The following ERC2 variants were observed in gnomAD, a reference collection of about 807,000 sequenced individuals.
The protein encoded by ERC2 is ELKS/RAB6-interacting/CAST family member 2.
A neutral mutation model predicts 114.8 loss-of-function variants in ERC2; 42 were observed. The ratio of observed to expected loss-of-function variants is 0.37; its 90% CI spans 0.29 to 0.47. The LOEUF is 0.47. ERC2 is among the 20% of genes least tolerant of loss of function. The probability of loss-of-function intolerance (pLI) is 0.99; values close to 1 mark genes in which losing one functional copy is unlikely to be tolerated. For synonymous variants in ERC2, 454 were observed against 425.5 expected, an observed-to-expected ratio of 1.07 and a Z score of -0.82; for missense variants, 939 against 1,150.7, an observed-to-expected ratio of 0.82 and a Z score of 2.66.
At chr3:55,998,651 A>T (rs2071790049) in intron 10 of ERC2, among the ~76,000 whole-genome samples, 1 of 152,198 alleles carries the variant, frequency 6.6e-6, no homozygotes, top group Non-Finnish European at 1.5e-5. Context: ...ATAAAAAGAA[A>T]CTGCTATATC....
intron 3 of ERC2, among the ~76,000 whole-genome samples, chr3:56,275,949 C>T (rs1425174854): frequency 6.6e-6 from 1 of 152,192 alleles, no homozygotes; most frequent in African/African-American, 2.4e-5. Flanking sequence ...AGAATGTCAA[C>T]AGTGCTGGCG....
chr3:56,130,166 A>G (rs1194916340), intron 6 of ERC2, among the ~76,000 whole-genome samples: 4 of 152,214 alleles, frequency 2.6e-5, no homozygotes, highest in South Asian at 2.1e-4. Context: ...GTTTTACTCT[A>G]TAAATTCTGT....
At chr3:55,750,207 A>ATCTTT (rs2066599995) in intron 14 of ERC2, among the ~76,000 whole-genome samples, 1 of 152,190 alleles carries the variant, frequency 6.6e-6, no homozygotes, top group African/African-American at 2.4e-5. Context: ...AAGATAAATA[A>ATCTTT]TAGTTTATTA....
intron 3 of ERC2, among the ~76,000 whole-genome samples, chr3:56,224,737 T>C (rs1348860828): frequency 1.3e-5 from 2 of 152,162 alleles, no homozygotes; most frequent in Non-Finnish European, 2.9e-5. Context: ...GTATTCTACA[T>C]ACAGACAACT....
chr3:55,957,215 T>C (rs1408218717), intron 12 of ERC2, among the ~76,000 whole-genome samples: 1 of 152,126 alleles, frequency 6.6e-6, no homozygotes, highest in Non-Finnish European at 1.5e-5. Flanking sequence ...AGGAAGATGT[T>C]CCTATTCCTT....
chr3:56,200,075 G>C (rs1288988500), intron 3 of ERC2, among the ~76,000 whole-genome samples: 1 of 117,882 alleles, frequency 8.5e-6, no homozygotes, highest in Non-Finnish European at 1.9e-5. Flanking sequence ...TGAATGGATT[G>C]AATACCTATC....
intron 14 of ERC2, among the ~76,000 whole-genome samples, chr3:55,875,690 T>TCA (rs71621803): frequency 0.13 from 19,325 of 144,388 alleles, 1,263 homozygotes; most frequent in Non-Finnish European, 0.15. Flanking sequence ...CTAAACTCAT[T>TCA]CACACACACA....
At chr3:56,440,894 G>C (rs1472756271) in intron 1 of ERC2, among the ~76,000 whole-genome samples, 1 of 152,074 alleles carries the variant, frequency 6.6e-6, no homozygotes, top group Non-Finnish European at 1.5e-5. Flanking sequence ...CAGATACTAT[G>C]AGCCTCCAAA....
At chr3:55,814,183 T>C (rs1275606112) in intron 14 of ERC2, among the ~76,000 whole-genome samples, 1 of 152,240 alleles carries the variant, frequency 6.6e-6, no homozygotes, top group African/African-American at 2.4e-5. Context: ...AACCTGATTA[T>C]TCAAGGGTCC....
Position 56,223,409 on chromosome 3 carries a change from C to T in ERC2, c.1075-49889G>A, listed in dbSNP as rs187423383. ...TATTTTCCCCAAAACCAAGATGGCA[C>T]ATAAATTGAAGGCAACATACGCAAG... On this transcript the variant is annotated intron_variant, in intron 3 of 17. Coordinates refer to ENST00000288221, the MANE Select transcript of ERC2 (RefSeq NM_015576.3). 1.2e-4 allele frequency among the ~76,000 whole-genome samples: 18 copies of T among 148,038 alleles called. No homozygotes were observed. In the South Asian group the frequency reaches 3.9e-3, roughly 32 times the overall value.
At chr3:56,384,605 AT>A (rs2059868366) in intron 2 of ERC2, among the ~76,000 whole-genome samples, 1 of 152,124 alleles carries the variant, frequency 6.6e-6, no homozygotes, top group Non-Finnish European at 1.5e-5. Context: ...CTAGATATTA[AT>A]CCCTTAACAG....
At chr3:55,564,874 G>T (rs2056265074) in intron 17 of ERC2, among the ~76,000 whole-genome samples, 2 of 152,228 alleles carry the variant, frequency 1.3e-5, no homozygotes, top group African/African-American at 4.8e-5. Context: ...TCCATAAAGG[G>T]TCAGACAGTA....
chr3:55,617,125 C>T (rs138835437), intron 17 of ERC2, among the ~76,000 whole-genome samples: 10 of 152,298 alleles, frequency 6.6e-5, no homozygotes, highest in African/African-American at 1.7e-4. Context: ...TCTGAGAACT[C>T]AGAGGGACCA....
At chr3:56,299,577 G>A (rs2055723903) in intron 2 of ERC2, among the ~76,000 whole-genome samples, 1 of 151,870 alleles carries the variant, frequency 6.6e-6, no homozygotes, top group African/African-American at 2.4e-5. Context: ...CTATAGGTGT[G>A]CGCCACCACA....
intron 7 of ERC2, among the ~76,000 whole-genome samples, chr3:56,063,091 C>T (rs911587036): frequency 6.6e-6 from 1 of 152,160 alleles, no homozygotes; most frequent in African/African-American, 2.4e-5. Flanking sequence ...ATGCATTATG[C>T]TAAGTCAAAG....
chr3:56,263,026 T>C (rs2053046139), intron 3 of ERC2, among the ~76,000 whole-genome samples: 1 of 152,176 alleles, frequency 6.6e-6, no homozygotes, highest in African/African-American at 2.4e-5. Flanking sequence ...GCAAAGCAAA[T>C]ATAATACTAG....
At position 55,930,392 on chromosome 3, in the gene ERC2, G is replaced by T. The variant is rs113612953; in HGVS notation, c.2403+20033C>A. Among the ~76,000 whole-genome samples, 1,113 of 152,252 alleles carry T rather than the reference G, an allele frequency of 7.3e-3. 10 individuals are homozygous for T. Among genetic ancestry groups the T allele is most frequent in the African/African-American group, 0.026 (1,065 of 41,558 alleles). On this transcript the variant is annotated intron_variant, in intron 13 of 17. Transcript: ENST00000288221. The stretch of plus-strand genomic sequence containing the variant: ...TTGAAATCAAAACAGCATGGTACTG[G>T]TACCAAAACAGAGATATAGATCAAT...
intron 2 of ERC2, among the ~76,000 whole-genome samples, chr3:56,302,426 T>C (rs2055942996): frequency 6.6e-6 from 1 of 152,214 alleles, no homozygotes; most frequent in African/African-American, 2.4e-5. Context: ...GGACAATTTA[T>C]TTAAGACTTC....
At chr3:56,228,910 G>C (rs749482403) in intron 3 of ERC2, among the ~76,000 whole-genome samples, 6 of 152,180 alleles carry the variant, frequency 3.9e-5, no homozygotes, top group Admixed American at 3.9e-4. Flanking sequence ...TGGGGGATGG[G>C]GTAGGGCAGG....
Sources: allele counts gnomAD v4.1 joint callset (sites outside exome capture counted in the v4.1 genomes callset), GRCh38; gene constraint gnomAD v4.1.1; transcripts MANE v1.5; gene names NCBI Gene and HGNC (gene_info 2026-07-23, HGNC 2026-07-21).